SGCG: variants seen among roughly 807,000 people sequenced by gnomAD.
The protein encoded by SGCG is gamma-sarcoglycan.
A neutral mutation model predicts 29.3 loss-of-function variants in SGCG; 26 were observed. The ratio of observed to expected loss-of-function variants is 0.89; its 90% CI spans 0.65 to 1.23. The LOEUF is 1.23. SGCG is among the 50% of genes most tolerant of loss of function. SGCG has a pLI of 0.00. For missense variants in SGCG, 353 were observed against 356.0 expected, an observed-to-expected ratio of 0.99 and a Z score of 0.07; for synonymous variants, 145 against 129.7, an observed-to-expected ratio of 1.12 and a Z score of -0.80.
chr13:23,172,834 G>A, the SGCG span, among the ~76,000 whole-genome samples: 4 of 152,202 alleles, frequency 2.6e-5, no homozygotes, highest in African/African-American at 9.7e-5. Flanking sequence ...GGATGAAGGT[G>A]CTTAGGGGGA....
At chr13:23,187,398 A>T (rs533417291) in intron 1 of SGCG, among the ~76,000 whole-genome samples, 77 of 152,292 alleles carry the variant, frequency 5.1e-4, no homozygotes, top group Non-Finnish European at 8.7e-4. Context: ...GACCATGTAT[A>T]GTCTAACCTC....
intron 3 of SGCG, among the ~76,000 whole-genome samples, chr13:23,243,361 G>A (rs1396660822): frequency 6.6e-6 from 1 of 152,148 alleles, no homozygotes; most frequent in East Asian, 1.9e-4. Context: ...TGCAGTGCTG[G>A]TGCATGTGCC....
Position 23,203,896 on chromosome 13 carries a change from A to G in SGCG, c.195+7A>G, listed in dbSNP as rs746698647. The G allele has an allele frequency of 6.3e-7, 1 of 1,583,004 alleles. No individual in the cohort carries two copies. Among genetic ancestry groups the G allele is most frequent in the Non-Finnish European group, 8.7e-7 (1 of 1,151,702 alleles). ...AGTGATGTGGTTTTCTCCAGTAAGT[A>G]TCATTATTTTCTGGTAAGCATGTTC... On this transcript the variant is annotated splice_region_variant and intron_variant, in intron 2 of 7. Coordinates refer to ENST00000218867, the MANE Select transcript of SGCG (RefSeq NM_000231.3).
intron 4 of SGCG, among the ~76,000 whole-genome samples, chr13:23,258,490 C>T (rs765643740): frequency 2.3e-4 from 35 of 152,146 alleles, no homozygotes; most frequent in Non-Finnish European, 4.9e-4. Flanking sequence ...ATGTCATCTG[C>T]AAATAGGGAC....
chr13:23,181,588 A>G (rs1005122132), intron 1 of SGCG, among the ~76,000 whole-genome samples: 10 of 152,128 alleles, frequency 6.6e-5, no homozygotes, highest in Non-Finnish European at 1.3e-4. Flanking sequence ...TAGCAACCTG[A>G]CTCCTTCACT....
intron 6 of SGCG, among the ~76,000 whole-genome samples, chr13:23,315,135 T>C (rs1882759321): frequency 6.6e-6 from 1 of 152,078 alleles, no homozygotes; most frequent in Non-Finnish European, 1.5e-5. Context: ...GCCTCTAGGA[T>C]TTTGGAGCAA....
chr13:23,278,930 A>G (rs1273745249), intron 4 of SGCG, among the ~76,000 whole-genome samples: 1 of 152,212 alleles, frequency 6.6e-6, no homozygotes, highest in Non-Finnish European at 1.5e-5. Flanking sequence ...GATATGATTT[A>G]TCTTCTAGGT....
intron 2 of SGCG, chr13:23,217,625 T>C (rs1878483024): frequency 6.6e-6 from 1 of 151,950 alleles, no homozygotes; most frequent in African/African-American, 2.4e-5. Flanking sequence ...TCCTGCATCT[T>C]TTAATCAGCT....
the SGCG span, among the ~76,000 whole-genome samples, chr13:23,161,185 A>T: frequency 2.6e-5 from 4 of 152,124 alleles, no homozygotes; most frequent in Admixed American, 6.5e-5. Context: ...ATTACATAAT[A>T]ACTTGATGAT....
chr13:23,304,724 C>T (rs866116980), intron 6 of SGCG, among the ~76,000 whole-genome samples: 25 of 152,268 alleles, frequency 1.6e-4, no homozygotes, highest in South Asian at 2.1e-4. Context: ...CTGCCTCAGC[C>T]TCCTGAGTAG....
At chr13:23,242,480 G>A (rs1015781621) in intron 3 of SGCG, among the ~76,000 whole-genome samples, 1 of 152,002 alleles carries the variant, frequency 6.6e-6, no homozygotes, top group Non-Finnish European at 1.5e-5. Flanking sequence ...ATGCACTGTT[G>A]AGAAAAGTAA....
intron 4 of SGCG, among the ~76,000 whole-genome samples, chr13:23,262,471 A>G (rs1004298681): frequency 1.3e-5 from 2 of 152,030 alleles, no homozygotes; most frequent in Non-Finnish European, 2.9e-5. Flanking sequence ...TCCTCAATAT[A>G]TACGTACTTA....
intron 3 of SGCG, chr13:23,244,059 C>G (rs905739267): frequency 3.9e-5 from 6 of 152,014 alleles, no homozygotes; most frequent in African/African-American, 9.7e-5. Flanking sequence ...CCCTACCACT[C>G]TGGAAGATAT....
intron 2 of SGCG, among the ~76,000 whole-genome samples, chr13:23,219,826 C>CCT (rs1555236245): frequency 9.0e-5 from 12 of 133,610 alleles, no homozygotes; most frequent in Non-Finnish European, 6.5e-5. Flanking sequence ...CATTTCTTTT[C>CCT]CTTTTTTTTT....
At chr13:23,171,100 C>T in the SGCG span, among the ~76,000 whole-genome samples, 3 of 152,150 alleles carry the variant, frequency 2.0e-5, no homozygotes, top group Admixed American at 1.3e-4. Context: ...TCGTATCAGG[C>T]ATATCATTAG....
chr13:23,235,218 G>A (rs1198667944), intron 3 of SGCG, among the ~76,000 whole-genome samples: 2 of 152,110 alleles, frequency 1.3e-5, no homozygotes, highest in African/African-American at 4.8e-5. Flanking sequence ...AATTAGCCAG[G>A]CATGGTGGCG....
At chr13:23,240,357 A>C (rs1017813530) in intron 3 of SGCG, among the ~76,000 whole-genome samples, 4 of 152,196 alleles carry the variant, frequency 2.6e-5, no homozygotes, top group Non-Finnish European at 4.4e-5. Flanking sequence ...AAGGAATAGA[A>C]ATATTCACAT....
intron 3 of SGCG, among the ~76,000 whole-genome samples, chr13:23,240,876 G>C (rs1053993621): frequency 6.6e-6 from 1 of 152,014 alleles, no homozygotes; most frequent in African/African-American, 2.4e-5. Context: ...AAAATTGGCC[G>C]GGTGCGGTGG....
intron 4 of SGCG, among the ~76,000 whole-genome samples, chr13:23,274,472 G>A (rs1880993085): frequency 7.8e-6 from 1 of 127,476 alleles, no homozygotes; most frequent in Non-Finnish European, 1.6e-5. Flanking sequence ...GTGCGATCTT[G>A]GCTCGCTGCA....
Sources: allele counts gnomAD v4.1 joint callset (sites outside exome capture counted in the v4.1 genomes callset), GRCh38; gene constraint gnomAD v4.1.1; transcripts MANE v1.5; gene names NCBI Gene and HGNC (gene_info 2026-07-23, HGNC 2026-07-21).